IL1RAP: variants seen among roughly 807,000 people sequenced by gnomAD.
The protein encoded by IL1RAP is interleukin 1 receptor accessory protein.
IL1RAP carries 35 observed loss-of-function variants against 60.7 expected under a neutral mutation model. The observed-to-expected ratio is 0.58, with a 90% CI of 0.44 to 0.76. The LOEUF is 0.76. IL1RAP is among the 30% of genes least tolerant of loss of function. The pLI is 0.00. For missense variants in IL1RAP, 572 were observed against 693.9 expected, an observed-to-expected ratio of 0.82 and a Z score of 1.97; for synonymous variants, 268 against 250.9, an observed-to-expected ratio of 1.07 and a Z score of -0.64.
In IL1RAP at chr3:190,534,334, G is replaced by GA. The variant is rs1200281221; in HGVS notation, c.-89+20116dup. Among the ~76,000 whole-genome samples, 3 of 151,778 alleles carry GA rather than the reference G, an allele frequency of 2.0e-5. No homozygotes were observed. In the East Asian group the frequency reaches 5.8e-4, roughly 29 times the overall value. The stretch of plus-strand genomic sequence containing the variant: ...GCTTTGCTCAAATCTATCATGTTTG[G>GA]ATATTTCAAACTAGGAAGTTTCATT... On this transcript the variant is annotated intron_variant, in intron 1 of 11. Coordinates refer to ENST00000447382, the MANE Select transcript of IL1RAP (RefSeq NM_002182.4).
At chr3:190,642,781 C>A (rs1219284271) in intron 9 of IL1RAP, among the ~76,000 whole-genome samples, 1 of 152,164 alleles carries the variant, frequency 6.6e-6, no homozygotes, top group Admixed American at 6.5e-5. Context: ...GAGACCCTTT[C>A]CGTCTTATTC....
intron 1 of IL1RAP, among the ~76,000 whole-genome samples, chr3:190,523,652 G>A (rs1347170702): frequency 6.6e-6 from 1 of 152,070 alleles, no homozygotes; most frequent in Non-Finnish European, 1.5e-5. Context: ...GTTTGCTAAG[G>A]ATAATGGTCC....
intron 3 of IL1RAP, among the ~76,000 whole-genome samples, chr3:190,570,751 A>G (rs1289640626): frequency 6.6e-6 from 1 of 151,968 alleles, no homozygotes; most frequent in Non-Finnish European, 1.5e-5. Flanking sequence ...TTTTTTGTAG[A>G]GATGGGGTTT....
At chr3:190,609,452 AT>A (rs1356456427) in intron 5 of IL1RAP, among the ~76,000 whole-genome samples, 1 of 152,214 alleles carries the variant, frequency 6.6e-6, no homozygotes, top group Non-Finnish European at 1.5e-5. Flanking sequence ...TGTGAAATAC[AT>A]TTTAAGAAAT....
At chr3:190,620,769 C>T (rs1731710281) in intron 6 of IL1RAP, among the ~76,000 whole-genome samples, 2 of 152,136 alleles carry the variant, frequency 1.3e-5, no homozygotes, top group Admixed American at 1.3e-4. Context: ...TTTATCTGTA[C>T]TCTGGAACTG....
intron 9 of IL1RAP, chr3:190,629,786 AAAAC>A (rs1331978343): frequency 1.8e-6 from 2 of 1,087,414 alleles, no homozygotes; most frequent in Non-Finnish European, 2.2e-6. Flanking sequence ...TGAAAAATTA[AAAAC>A]AAAGAAAATA....
At chr3:190,616,047 C>T (rs1731242104) in intron 5 of IL1RAP, among the ~76,000 whole-genome samples, 1 of 152,158 alleles carries the variant, frequency 6.6e-6, no homozygotes, top group East Asian at 1.9e-4. Context: ...ACATATAATT[C>T]TATATGTGTA....
chr3:190,553,170 G>A (rs1462260976), intron 1 of IL1RAP, among the ~76,000 whole-genome samples: 1 of 152,146 alleles, frequency 6.6e-6, no homozygotes, highest in East Asian at 1.9e-4. Context: ...CCACGCCCCC[G>A]AGGACGTACA....
Position 190,554,060 on chromosome 3 carries a change from C to CA in IL1RAP, c.-88-2042dup, listed in dbSNP as rs1166716731. Among the ~76,000 whole-genome samples the CA allele has an allele frequency of 2.8e-3, 250 of 87,882 alleles. 5 individuals carry two copies. Among genetic ancestry groups the CA allele is most frequent in the East Asian group, 0.015 (45 of 2,956 alleles). The allele number at this position is 87,882 out of a possible 152,430, so 57.7% of individuals were successfully genotyped here. ...TGGGCGACAGAGCGAGACTCCGTCT[C>CA]AAAAAAAAAAAAAAAAAAAAAAAAA... On this transcript the variant is annotated intron_variant, in intron 1 of 11. Coordinates refer to ENST00000447382, the MANE Select transcript of IL1RAP (RefSeq NM_002182.4).
intron 9 of IL1RAP, among the ~76,000 whole-genome samples, chr3:190,636,915 C>CT (rs1733269925): frequency 6.6e-6 from 1 of 152,040 alleles, no homozygotes; most frequent in Non-Finnish European, 1.5e-5. Context: ...TATTTTATCA[C>CT]TTTTTTGAGC....
At chr3:190,545,739 T>C (rs1724310874) in intron 1 of IL1RAP, among the ~76,000 whole-genome samples, 1 of 152,190 alleles carries the variant, frequency 6.6e-6, no homozygotes, top group South Asian at 2.1e-4. Flanking sequence ...TAAAATGGGA[T>C]TGAAATTAAA....
Position 190,651,273 on chromosome 3 carries a change from C to T in IL1RAP, c.*2568C>T, listed in dbSNP as rs546382358. On this transcript the variant is annotated 3_prime_UTR_variant, in exon 12 of 12. Transcript: ENST00000447382. ...GAGTGTCTAATTACAAAATCATATA[C>T]GATTTATTTAATTCTCTTCTGTATT... The T allele has an allele frequency of 1.5e-3, 1,401 of 956,614 alleles. 1 individual carries two copies. Among genetic ancestry groups the T allele is most frequent in the Non-Finnish European group, 1.7e-3 (1,358 of 803,956 alleles). 59.3% of individuals were successfully genotyped at this position (956,614 alleles called of 1,614,324 possible).
chr3:190,634,870 C>G (rs1448765665), intron 9 of IL1RAP, among the ~76,000 whole-genome samples: 3 of 152,130 alleles, frequency 2.0e-5, no homozygotes, highest in Non-Finnish European at 4.4e-5. Context: ...CGTCCGCCTC[C>G]ACGGCCGGCT....
chr3:190,635,798 G>C (rs1232957219), intron 9 of IL1RAP, among the ~76,000 whole-genome samples: 1 of 152,160 alleles, frequency 6.6e-6, no homozygotes, highest in Non-Finnish European at 1.5e-5. Flanking sequence ...AAGTCTGGGA[G>C]CAGGTATCTC....
intron 6 of IL1RAP, 105 bp from the exon 7 acceptor site, chr3:190,623,239 T>C: frequency 3.6e-6 from 3 of 829,558 alleles, no homozygotes; most frequent in Non-Finnish European, 6.2e-6. Flanking sequence ...CTAAAACAAC[T>C]GACAAACTAT....
chr3:190,597,973 G>A (rs1309921451), intron 3 of IL1RAP, among the ~76,000 whole-genome samples: 1 of 152,088 alleles, frequency 6.6e-6, no homozygotes, highest in African/African-American at 2.4e-5. Flanking sequence ...CTTAATAAGG[G>A]CACTGTTAAA....
intron 1 of IL1RAP, among the ~76,000 whole-genome samples, chr3:190,539,066 A>T (rs1700748277): frequency 6.6e-6 from 1 of 152,126 alleles, no homozygotes; most frequent in African/African-American, 2.4e-5. Context: ...TTACCACCTT[A>T]TCAAATCTCT....
chr3:190,657,659 T>G (rs1734657643), exon 12 of IL1RAP: 2 of 152,250 alleles, frequency 1.3e-5, no homozygotes, highest in African/African-American at 4.8e-5. Context: ...ATTTCTTCTC[T>G]GTAAACATTT....
At chr3:190,533,136 G>C (rs1177099750) in intron 1 of IL1RAP, among the ~76,000 whole-genome samples, 1 of 152,188 alleles carries the variant, frequency 6.6e-6, no homozygotes, top group African/African-American at 2.4e-5. Context: ...CTGTGAAAGA[G>C]GGAACCGTAG....
Sources: gnomAD v4.1 joint callset for allele counts (sites outside exome capture counted in the v4.1 genomes callset) on GRCh38, gnomAD v4.1.1 for gene constraint, MANE v1.5 for transcripts, NCBI Gene and HGNC (gene_info 2026-07-23, HGNC 2026-07-21) for gene names.